DPY19L3: variants seen among roughly 807,000 people sequenced by gnomAD.
DPY19L3 encodes dpy-19 like C-mannosyltransferase 3.
DPY19L3 carries 51 observed loss-of-function variants against 92.3 expected under a neutral mutation model. The observed-to-expected ratio is 0.55, with a 90% CI of 0.44 to 0.70. The LOEUF is 0.70. Ranked by LOEUF, DPY19L3 falls within the 30% of genes least tolerant of loss-of-function variation. The pLI is 0.00. For synonymous variants in DPY19L3, 309 were observed against 315.2 expected (o/e 0.98, Z 0.21); for missense variants, 706 against 855.9 (o/e 0.82, Z 2.18).
In DPY19L3 at chr19:32,428,295, AGTT is replaced by A. The variant is rs1195111768; in HGVS notation, c.238-4417_238-4415del. ...CCTGTAAACAGAACTTTTTTACGTG[AGTT>A]GTTCTTGTTTTTTTAAACATGAGTT... On this transcript the variant is annotated intron_variant, in intron 3 of 18. Transcript: ENST00000392250. Among the ~76,000 whole-genome samples, 4 of 151,722 alleles carry A rather than the reference AGTT, an allele frequency of 2.6e-5. No individual in the cohort carries two copies. The East Asian group carries it at 5.8e-4, about 22-fold the overall frequency.
intron 9 of DPY19L3, among the ~76,000 whole-genome samples, chr19:32,454,584 G>T (rs1599648513): frequency 6.6e-6 from 1 of 151,568 alleles, no homozygotes; most frequent in South Asian, 2.1e-4. Flanking sequence ...AAAAGAAAAA[G>T]AAAAAAAGAA....
chr19:32,433,809 G>A (rs979399754), intron 4 of DPY19L3, among the ~76,000 whole-genome samples: 6 of 152,268 alleles, frequency 3.9e-5, no homozygotes, highest in African/African-American at 1.4e-4. Flanking sequence ...AAAAATTAAT[G>A]AGTTGGTCCC....
In DPY19L3 at chr19:32,485,474, C is replaced by A. The variant is rs1330033498; in HGVS notation, c.*3234C>A. On this transcript the variant is annotated 3_prime_UTR_variant, in exon 19 of 19. Coordinates refer to ENST00000392250, the MANE Select transcript of DPY19L3 (RefSeq NM_001172774.2). ...GTGGCAAAGGCATATGTAAATACAT[C>A]TGATCTGCATCTTTATTTCACAGTT... 6.6e-6 allele frequency: 1 copy of A among 152,110 alleles called. No individual in the cohort carries two copies. Among genetic ancestry groups the A allele is most frequent in the Non-Finnish European group, 1.5e-5 (1 of 68,036 alleles). 9.4% of individuals were successfully genotyped at this position (152,110 alleles called of 1,614,324 possible). A position where few individuals can be genotyped will look rare whatever the true frequency, so the allele number is the denominator to read the frequency against.
chr19:32,407,264 T>TCCCCCCC (rs148363125), intron 1 of DPY19L3, among the ~76,000 whole-genome samples: 2 of 81,306 alleles, frequency 2.5e-5, no homozygotes, highest in African/African-American at 1.0e-4. Flanking sequence ...AGGCTCCTGC[T>TCCCCCCC]CCCCCCCACC....
At chr19:32,417,883 G>A (rs1283256474) in intron 3 of DPY19L3, among the ~76,000 whole-genome samples, 1 of 152,188 alleles carries the variant, frequency 6.6e-6, no homozygotes, top group African/African-American at 2.4e-5. Context: ...TTCTTGCACA[G>A]GAGGAAAGGC....
intron 8 of DPY19L3, among the ~76,000 whole-genome samples, chr19:32,451,025 T>C (rs1490332844): frequency 6.6e-6 from 1 of 152,214 alleles, no homozygotes; most frequent in South Asian, 2.1e-4. Flanking sequence ...GTGCTGGGGA[T>C]ACAGCAGTGA....
At chr19:32,472,070 T>C (rs977896106) in intron 16 of DPY19L3, among the ~76,000 whole-genome samples, 2 of 152,186 alleles carry the variant, frequency 1.3e-5, no homozygotes, top group Non-Finnish European at 2.9e-5. Context: ...ACAATTGCCC[T>C]CATTCTTTTC....
At chr19:32,480,970 G>A (rs966719477) in intron 18 of DPY19L3, 4 of 411,348 alleles carry the variant, frequency 9.7e-6, no homozygotes, top group Non-Finnish European at 1.7e-5. Context: ...TCCGGTCTAG[G>A]TGGTGGATTC....
In DPY19L3 at chr19:32,479,443, ACGGCTCTT is replaced by A. The variant is rs146743609; in HGVS notation, c.1831-954_1831-947del. 3.1e-3 allele frequency among the ~76,000 whole-genome samples: 477 copies of A among 152,180 alleles called. 1 individual carries two copies. The highest frequency in any genetic ancestry group is 0.011 in the African/African-American group (454 of 41,518). ...CACACACTGACATCCTCAAGGCCCTACGGCTCTTCATCAGGACCCTGGAACCCTTGGAA... is the reference window on the plus strand; with the variant it reads ...CACACACTGACATCCTCAAGGCCCTACATCAGGACCCTGGAACCCTTGGAA... On this transcript the variant is annotated intron_variant, in intron 17 of 18. Coordinates refer to ENST00000392250, the MANE Select transcript of DPY19L3 (RefSeq NM_001172774.2).
At chr19:32,474,684 G>A (rs896649590) in intron 16 of DPY19L3, among the ~76,000 whole-genome samples, 2 of 152,048 alleles carry the variant, frequency 1.3e-5, no homozygotes, top group East Asian at 3.9e-4. Flanking sequence ...TATGCCTCCC[G>A]GGTTCAAGTG....
At position 32,458,442 on chromosome 19, in the gene DPY19L3, T is replaced by C. The variant is rs1259808747; in HGVS notation, c.1255T>C (p.Tyr419His). Reference sequence around the variant, plus strand: ...AAGGCTTTCAGATACTCTGCTTTTTTATGCTTACATATTCGTTCTGTCCAT... The same window carrying C: ...AAGGCTTTCAGATACTCTGCTTTTTCATGCTTACATATTCGTTCTGTCCAT... ...FGRLSDTLLFYAYIFVLSITV... is the reference protein window; with the variant it reads ...FGRLSDTLLFHAYIFVLSITV... Residue 419 changes from tyrosine to histidine, a missense_variant, in exon 12 of 19, where the codon TAT (tyrosine) becomes CAT (histidine). Tyr to His is a moderately conservative substitution (Grantham distance 83). Coordinates refer to ENST00000392250, the MANE Select transcript of DPY19L3 (RefSeq NM_001172774.2). The C allele has an allele frequency of 6.2e-7, 1 of 1,613,822 alleles. No homozygotes were observed. The highest frequency in any genetic ancestry group is 1.3e-5 in the African/African-American group (1 of 74,948).
At chr19:32,429,199 T>C (rs1968877103) in intron 3 of DPY19L3, among the ~76,000 whole-genome samples, 1 of 152,232 alleles carries the variant, frequency 6.6e-6, no homozygotes, top group Non-Finnish European at 1.5e-5. Context: ...CTTCTTTCTG[T>C]CATTATCTTC....
At chr19:32,476,906 G>C (rs1466878805) in intron 16 of DPY19L3, among the ~76,000 whole-genome samples, 1 of 151,972 alleles carries the variant, frequency 6.6e-6, no homozygotes, top group Non-Finnish European at 1.5e-5. Flanking sequence ...TGTTAATTCT[G>C]TTTTTATTTA....
intron 16 of DPY19L3, 122 bp from the exon 17 acceptor site, chr19:32,477,400 T>TC (rs1283314099): frequency 3.0e-6 from 4 of 1,317,848 alleles, no homozygotes; most frequent in Admixed American, 4.6e-5. Context: ...CCGTTTTTTT[T>TC]CCCTGACTCG....
intron 8 of DPY19L3, 101 bp downstream of exon 8, chr19:32,440,011 A>C (rs1969273149): frequency 6.1e-6 from 9 of 1,479,002 alleles, no homozygotes; most frequent in Non-Finnish European, 7.3e-6. Flanking sequence ...ATAAAATTGA[A>C]GCTGTTTCTT....
Position 32,477,630 on chromosome 19 carries a change from C to T in DPY19L3, c.1806C>T (p.Ser602=). 2 of 1,614,160 alleles carry T rather than the reference C, an allele frequency of 1.2e-6. No individual in the cohort carries two copies. The highest frequency in any genetic ancestry group is 1.7e-6 in the Non-Finnish European group (2 of 1,180,026). The part of the protein sequence containing the change: ...TLTNHPHYED[S]SLRERTRAVY... ...CCAACCACCCGCACTATGAAGACAG[C>T]AGCCTGAGAGAGCGGACCAGAGCGG... The change falls in exon 17 of 19, where the codon AGC becomes AGT. Residue 602 remains serine (S), a synonymous_variant. Coordinates refer to ENST00000392250, the MANE Select transcript of DPY19L3 (RefSeq NM_001172774.2).
intron 3 of DPY19L3, among the ~76,000 whole-genome samples, chr19:32,424,276 C>G (rs868277686): frequency 6.6e-6 from 1 of 150,452 alleles, no homozygotes; most frequent in African/African-American, 2.4e-5. Flanking sequence ...GCTGTGATCA[C>G]ACCACTGCAC....
At chr19:32,460,160 T>G (rs763777552) in intron 12 of DPY19L3, among the ~76,000 whole-genome samples, 6 of 151,980 alleles carry the variant, frequency 3.9e-5, no homozygotes, top group Non-Finnish European at 8.8e-5. Context: ...ATCCCAGTGC[T>G]TTGGGAGGTT....
chr19:32,453,011 TTG>T (rs1013994115), intron 8 of DPY19L3, 132 bp from the exon 9 acceptor site: 40 of 1,079,180 alleles, frequency 3.7e-5, no homozygotes, highest in Non-Finnish European at 5.3e-5. Flanking sequence ...CTGGCCTAGA[TTG>T]TGTTTCTTGA....
Sources: allele counts gnomAD v4.1 joint callset (sites outside exome capture counted in the v4.1 genomes callset), GRCh38; gene constraint gnomAD v4.1.1; transcripts MANE v1.5; gene names NCBI Gene and HGNC (gene_info 2026-07-23, HGNC 2026-07-21).